The following CPED1 variants were observed in gnomAD, a reference collection of about 807,000 sequenced individuals.
CPED1 encodes cadherin-like and PC-esterase domain-containing protein 1.
A neutral mutation model predicts 128.2 loss-of-function variants in CPED1; 114 were observed. The ratio of observed to expected loss-of-function variants is 0.89; its 90% CI spans 0.76 to 1.04. The LOEUF is 1.04. CPED1 is among the 50% of genes least tolerant of loss of function. CPED1 has a pLI of 0.00. For missense variants in CPED1, 1,211 were observed against 1,207.1 expected (o/e 1.00, Z -0.05); for synonymous variants, 462 against 426.7 (o/e 1.08, Z -1.02).
At chr7:121,210,436 A>C (rs987110459) in intron 16 of CPED1, among the ~76,000 whole-genome samples, 3 of 152,078 alleles carry the variant, frequency 2.0e-5, no homozygotes, top group African/African-American at 7.2e-5. Context: ...TAAATGGATA[A>C]AGTATAATAC....
intron 4 of CPED1, among the ~76,000 whole-genome samples, chr7:121,063,982 A>G (rs1453797402): frequency 2.0e-5 from 3 of 152,210 alleles, no homozygotes; most frequent in African/African-American, 7.2e-5. Context: ...TGGCTTCAAA[A>G]TATGAAAGGG....
At chr7:121,264,461 C>G (rs1792084421) in intron 18 of CPED1, among the ~76,000 whole-genome samples, 1 of 152,004 alleles carries the variant, frequency 6.6e-6, no homozygotes, top group South Asian at 2.1e-4. Context: ...CAAATGCAAC[C>G]TGGCTGAGAG....
chr7:121,287,886 G>A (rs990320164), intron 22 of CPED1, among the ~76,000 whole-genome samples: 2 of 152,048 alleles, frequency 1.3e-5, no homozygotes, highest in Non-Finnish European at 2.9e-5. Context: ...GTATTGTAAT[G>A]GGATCTTTTC....
intron 16 of CPED1, among the ~76,000 whole-genome samples, chr7:121,211,451 C>T (rs1229515747): frequency 2.1e-5 from 3 of 140,802 alleles, no homozygotes; most frequent in African/African-American, 5.3e-5. Context: ...ACATAGTATC[C>T]GATCTGGGCA....
intron 16 of CPED1, among the ~76,000 whole-genome samples, chr7:121,228,745 G>T (rs1014126366): frequency 6.6e-6 from 1 of 151,998 alleles, no homozygotes; most frequent in Non-Finnish European, 1.5e-5. Context: ...CAGCATAAGT[G>T]CCTATCAGTG....
intron 5 of CPED1, among the ~76,000 whole-genome samples, chr7:121,067,799 G>T (rs962678667): frequency 1.3e-5 from 2 of 151,940 alleles, no homozygotes; most frequent in Admixed American, 6.6e-5. Context: ...TTTTAATGAT[G>T]GCCATTCTAA....
At chr7:121,255,549 T>C (rs1304556138) in intron 18 of CPED1, among the ~76,000 whole-genome samples, 2 of 152,054 alleles carry the variant, frequency 1.3e-5, no homozygotes, top group African/African-American at 2.4e-5. Flanking sequence ...AACATAGTAC[T>C]GGAAGTTCTA....
chr7:121,028,071 T>G (rs1026583047), intron 3 of CPED1, among the ~76,000 whole-genome samples: 2 of 152,176 alleles, frequency 1.3e-5, no homozygotes, highest in Admixed American at 1.3e-4. Flanking sequence ...CCATGGTACC[T>G]ACTGATTTGC....
chr7:121,120,798 G>A lies in CPED1; in HGVS notation c.919-3533G>A, dbSNP rs186956346. 3.7e-4 allele frequency among the ~76,000 whole-genome samples: 56 copies of A among 151,968 alleles called. 1 individual carries two copies. The highest frequency in any genetic ancestry group is 1.2e-3 in the African/African-American group (51 of 41,476). On this transcript the variant is annotated intron_variant, in intron 7 of 22. Transcript: ENST00000310396. ...GATGGGAGCAAGAGATAAGCATGCC[G>A]TCCTGAGGAAAGTGATGTTACCCAG...
chr7:121,297,076 A>G lies in CPED1; in HGVS notation c.*1424A>G, dbSNP rs1792837311. On this transcript the variant is annotated 3_prime_UTR_variant, in exon 23 of 23. Coordinates refer to ENST00000310396, the MANE Select transcript of CPED1 (RefSeq NM_024913.5). ...TTAAATTATATTTACATAAATGCAA[A>G]TATCACTTGATATAAACAATACAAA... 2 of 152,206 alleles carry G rather than the reference A, an allele frequency of 1.3e-5. No homozygotes were observed. The highest frequency in any genetic ancestry group is 2.1e-4 in the South Asian group (1 of 4,824). The allele number at this position is 152,206 out of a possible 1,614,324, so 9.4% of individuals were successfully genotyped here.
chr7:121,000,886 G>T (rs73221230), intron 2 of CPED1, among the ~76,000 whole-genome samples: 1 of 151,988 alleles, frequency 6.6e-6, no homozygotes, highest in South Asian at 2.1e-4. Flanking sequence ...GTTGGAAAAC[G>T]TAACTAACCC....
chr7:121,124,445 TC>T lies in CPED1; in HGVS notation c.1034del (p.Ser345LeufsTer18). The T allele has an allele frequency of 6.3e-7, 1 of 1,589,382 alleles. No homozygotes were observed. Among genetic ancestry groups the T allele is most frequent in the Non-Finnish European group, 8.6e-7 (1 of 1,166,264 alleles). ...LLAAEVFSET[S>X]TLGPKTFHRC... The stretch of plus-strand genomic sequence containing the variant: ...AGCGGCTGAAGTATTCAGTGAAACA[TC>T]TACTCTGGGACCAAAGACCTTCCAT... On this transcript the variant is annotated frameshift_variant, in exon 8 of 23. Coordinates refer to ENST00000310396, the MANE Select transcript of CPED1 (RefSeq NM_024913.5). LOFTEE classifies it high-confidence loss of function.
intron 22 of CPED1, among the ~76,000 whole-genome samples, chr7:121,276,648 A>T (rs1000509860): frequency 6.6e-6 from 1 of 152,086 alleles, no homozygotes; most frequent in Non-Finnish European, 1.5e-5. Context: ...TTCTTGAATT[A>T]CCATCCAAGT....
intron 21 of CPED1, among the ~76,000 whole-genome samples, chr7:121,268,012 GC>G (rs141331388): frequency 0.072 from 11,004 of 152,072 alleles, 533 homozygotes; most frequent in Non-Finnish European, 0.094. Context: ...CTTCTGTGAT[GC>G]AAAAACAGGA....
At chr7:121,189,533 G>C (rs888459675) in intron 16 of CPED1, among the ~76,000 whole-genome samples, 5 of 151,770 alleles carry the variant, frequency 3.3e-5, no homozygotes, top group South Asian at 2.1e-4. Flanking sequence ...CAGGTCACCA[G>C]GTCCCTCCCC....
At chr7:121,086,331 A>G (rs1794425974) in intron 5 of CPED1, among the ~76,000 whole-genome samples, 1 of 152,210 alleles carries the variant, frequency 6.6e-6, no homozygotes, top group African/African-American at 2.4e-5. Flanking sequence ...GCAAAATGAG[A>G]AATGTGCCAG....
chr7:121,054,613 T>C (rs1793446029), intron 4 of CPED1, among the ~76,000 whole-genome samples: 1 of 152,032 alleles, frequency 6.6e-6, no homozygotes. Flanking sequence ...TTTGCTGCAA[T>C]TTATGTATTA....
chr7:121,120,707 G>A (rs566258403), intron 7 of CPED1, among the ~76,000 whole-genome samples: 1 of 151,996 alleles, frequency 6.6e-6, no homozygotes, highest in East Asian at 1.9e-4. Context: ...AACAGCTGTA[G>A]GCTTCTATTC....
Position 121,177,321 on chromosome 7 carries a change from C to T in CPED1, c.2055+35180C>T, listed in dbSNP as rs80331363. Reference sequence around the variant, plus strand: ...TGTGTGTGTTCGTGTGTGCAGTTGTCGAGCTCATAGAAAGTGCTTAGTTGA... The same window carrying T: ...TGTGTGTGTTCGTGTGTGCAGTTGTTGAGCTCATAGAAAGTGCTTAGTTGA... On this transcript the variant is annotated intron_variant, in intron 16 of 22. Transcript: ENST00000310396. 7.9e-3 allele frequency among the ~76,000 whole-genome samples: 1,202 copies of T among 151,972 alleles called. 6 individuals carry two copies. Among genetic ancestry groups the T allele is most frequent in the Middle Eastern group, 0.014 (4 of 294 alleles).
Sources: allele counts gnomAD v4.1 joint callset (sites outside exome capture counted in the v4.1 genomes callset), GRCh38; gene constraint gnomAD v4.1.1; transcripts MANE v1.5; gene names NCBI Gene and HGNC (gene_info 2026-07-23, HGNC 2026-07-21).